The following CSMD1 variants were observed in gnomAD, a reference collection of about 807,000 sequenced individuals.
CSMD1 encodes CUB and Sushi multiple domains 1.
CSMD1 carries 213 observed loss-of-function variants against 417.5 expected under a neutral mutation model. The ratio of observed to expected loss-of-function variants is 0.51; its 90% CI spans 0.46 to 0.57. CSMD1 has a LOEUF of 0.57. Among genes scored for constraint, CSMD1 ranks in the 20% least tolerant of loss-of-function variants. The pLI is 0.00. For synonymous variants in CSMD1, 2,862 were observed against 1,736.8 expected (o/e 1.65, Z -16.11); for missense variants, 6,923 against 4,529.7 (o/e 1.53, Z -15.17).
chr8:3,563,050 C>T (rs1799537807), intron 10 of CSMD1, among the ~76,000 whole-genome samples: 1 of 151,840 alleles, frequency 6.6e-6, no homozygotes, highest in South Asian at 2.1e-4. Context: ...CCATTCTTTG[C>T]TTGGTCATGA....
At chr8:3,209,632 T>C (rs1199159407) in intron 30 of CSMD1, among the ~76,000 whole-genome samples, 1 of 152,222 alleles carries the variant, frequency 6.6e-6, no homozygotes, top group Non-Finnish European at 1.5e-5. Context: ...TAATTCTTAA[T>C]AATTGTTATG....
chr8:3,169,478 T>C (rs1314901516), intron 37 of CSMD1, among the ~76,000 whole-genome samples: 1 of 150,488 alleles, frequency 6.6e-6, no homozygotes, highest in Non-Finnish European at 1.5e-5. Context: ...GTCGAAATCA[T>C]AGAAAAAAAA....
At chr8:3,782,905 T>C (rs1410892234) in intron 5 of CSMD1, among the ~76,000 whole-genome samples, 1 of 152,122 alleles carries the variant, frequency 6.6e-6, no homozygotes, top group African/African-American at 2.4e-5. Flanking sequence ...AATAAATAAA[T>C]AAATAAAACT....
rs565438607 is a variant in CSMD1 at position 4,268,064 on chromosome 8, T to A, written c.415+151889A>T. On this transcript the variant is annotated intron_variant, in intron 3 of 69. Transcript: ENST00000635120. ...GAAAAGTGTGTTCACAATTTCAAAA[T>A]CCTCGCAATCCACAAATTGAAACAT... Among the ~76,000 whole-genome samples the A allele has an allele frequency of 4.3e-4, 65 of 152,190 alleles. No homozygotes were observed. In the South Asian group the frequency reaches 0.013, roughly 31 times the overall value.
At chr8:3,524,075 A>G (rs970830758) in intron 10 of CSMD1, among the ~76,000 whole-genome samples, 4 of 151,032 alleles carry the variant, frequency 2.6e-5, no homozygotes, top group Admixed American at 6.6e-5. Context: ...ACACACTTAC[A>G]CATGCACACA....
intron 1 of CSMD1, among the ~76,000 whole-genome samples, chr8:4,647,327 G>C (rs770542752): frequency 6.6e-6 from 1 of 151,060 alleles, no homozygotes; most frequent in South Asian, 2.1e-4. Context: ...CATGTGCCAC[G>C]GCGGCCTGCT....
intron 28 of CSMD1, among the ~76,000 whole-genome samples, chr8:3,222,195 G>A (rs543872253): frequency 6.6e-6 from 1 of 152,124 alleles, no homozygotes; most frequent in Non-Finnish European, 1.5e-5. Context: ...CAAACTTCCA[G>A]AGGGGTGTAT....
chr8:4,139,613 G>A (rs1489446246), intron 3 of CSMD1, among the ~76,000 whole-genome samples: 1 of 151,188 alleles, frequency 6.6e-6, no homozygotes, highest in African/African-American at 2.5e-5. Context: ...ACAAGGAGCA[G>A]AGGAAGGGCA....
intron 1 of CSMD1, among the ~76,000 whole-genome samples, chr8:4,772,126 A>T: frequency 6.6e-6 from 1 of 152,080 alleles, no homozygotes; most frequent in African/African-American, 2.4e-5. Flanking sequence ...ATTTGGGTCC[A>T]CCGAGAGCAG....
chr8:4,182,243 A>C (rs935929435), intron 3 of CSMD1, among the ~76,000 whole-genome samples: 2 of 152,154 alleles, frequency 1.3e-5, no homozygotes, highest in African/African-American at 4.8e-5. Context: ...TAAGAAAAAA[A>C]CGGAATATAT....
chr8:4,024,496 C>A (rs1398545597), intron 4 of CSMD1, among the ~76,000 whole-genome samples: 1 of 152,164 alleles, frequency 6.6e-6, no homozygotes, highest in Non-Finnish European at 1.5e-5. Context: ...CAAACTATAG[C>A]TGACTTGTTA....
intron 9 of CSMD1, among the ~76,000 whole-genome samples, chr8:3,576,733 C>T (rs1012117584): frequency 2.6e-5 from 4 of 152,150 alleles, no homozygotes; most frequent in Non-Finnish European, 4.4e-5. Context: ...ACACTAATAT[C>T]TCACTCTCTA....
intron 69 of CSMD1, among the ~76,000 whole-genome samples, chr8:2,941,990 T>A (rs944386134): frequency 6.6e-6 from 1 of 152,222 alleles, no homozygotes; most frequent in Non-Finnish European, 1.5e-5. Context: ...AGTCATTTAT[T>A]CTCTTATTTC....
chr8:3,804,023 G>A (rs926319044), intron 5 of CSMD1, among the ~76,000 whole-genome samples: 14 of 152,116 alleles, frequency 9.2e-5, no homozygotes, highest in Non-Finnish European at 1.8e-4. Flanking sequence ...CACCTCCTGA[G>A]TTCAAGCGAT....
At chr8:4,234,117 G>A (rs1563313686) in intron 3 of CSMD1, among the ~76,000 whole-genome samples, 1 of 152,160 alleles carries the variant, frequency 6.6e-6, no homozygotes, top group Non-Finnish European at 1.5e-5. Context: ...TGCTACAGGA[G>A]TTAAATGAAA....
At chr8:4,314,101 A>T (rs12541509) in intron 3 of CSMD1, among the ~76,000 whole-genome samples, 40,215 of 151,704 alleles carry the variant, frequency 0.27, 6,088 homozygotes, top group African/African-American at 0.42. Context: ...TGGGGGATTC[A>T]ACACTGATAC....
At chr8:3,243,215 G>C (rs1048390255) in intron 26 of CSMD1, among the ~76,000 whole-genome samples, 4 of 152,140 alleles carry the variant, frequency 2.6e-5, no homozygotes, top group Non-Finnish European at 5.9e-5. Context: ...TGGTGGGTCT[G>C]AGGACCCGTG....
At chr8:4,467,803 A>T (rs528326597) in intron 2 of CSMD1, among the ~76,000 whole-genome samples, 221 of 152,324 alleles carry the variant, frequency 1.5e-3, no homozygotes, top group African/African-American at 4.8e-3. Context: ...ATGGGGAAAG[A>T]ACTAGTGAAA....
At chr8:3,470,582 G>A (rs570387631) in intron 11 of CSMD1, among the ~76,000 whole-genome samples, 18 of 151,940 alleles carry the variant, frequency 1.2e-4, no homozygotes, top group African/African-American at 3.9e-4. Flanking sequence ...CACATGTCTC[G>A]GCTCCTGAAT....
Sources: allele counts gnomAD v4.1 joint callset (sites outside exome capture counted in the v4.1 genomes callset), GRCh38; gene constraint gnomAD v4.1.1; transcripts MANE v1.5; gene names NCBI Gene and HGNC (gene_info 2026-07-23, HGNC 2026-07-21).